Variants in RASSF4 observed in about 807,000 individuals in gnomAD.
RASSF4 encodes the protein Ras association domain family member 4.
RASSF4 carries 38 observed loss-of-function variants against 41.1 expected under a neutral mutation model. The observed-to-expected ratio is 0.92, with a 90% CI of 0.71 to 1.21. RASSF4 has a LOEUF of 1.21. Ranked by LOEUF, RASSF4 falls within the 50% of genes most tolerant of loss-of-function variation. RASSF4 has a pLI of 0.00. For synonymous variants in RASSF4, 179 were observed against 163.4 expected, an observed-to-expected ratio of 1.10 and a Z score of -0.73; for missense variants, 414 against 419.4, an observed-to-expected ratio of 0.99 and a Z score of 0.11.
At chr10:44,972,148 G>A (rs1841200367) in intron 3 of RASSF4, among the ~76,000 whole-genome samples, 1 of 152,012 alleles carries the variant, frequency 6.6e-6, no homozygotes, top group African/African-American at 2.4e-5. Flanking sequence ...CTTTGTCCAT[G>A]TGAACTGCTG....
At chr10:44,961,380 G>A (rs1312527329) in intron 1 of RASSF4, among the ~76,000 whole-genome samples, 2 of 152,206 alleles carry the variant, frequency 1.3e-5, no homozygotes, top group African/African-American at 2.4e-5. Flanking sequence ...GAACATGAAC[G>A]AAACTTGGGT....
intron 3 of RASSF4, among the ~76,000 whole-genome samples, chr10:44,973,147 C>G (rs1165691533): frequency 6.6e-6 from 1 of 152,226 alleles, no homozygotes. Context: ...CCACAGCTTG[C>G]TCCCCTCCCT....
In RASSF4 at chr10:44,987,783, G is replaced by C. The variant is rs79063242; in HGVS notation, c.532-1491G>C. On this transcript the variant is annotated intron_variant, in intron 6 of 10. Transcript: ENST00000340258. Reference sequence around the variant, plus strand: ...TAGCAATAAAGTAGTTTTAATTAAGGCATGCATATTTTTTAGATGTAGTAC... The same window carrying C: ...TAGCAATAAAGTAGTTTTAATTAAGCCATGCATATTTTTTAGATGTAGTAC... Among the ~76,000 whole-genome samples, 42 of 151,980 alleles carry C rather than the reference G, an allele frequency of 2.8e-4. No individual in the cohort carries two copies. The East Asian group carries it at 8.1e-3, about 29-fold the overall frequency.
intron 7 of RASSF4, 54 bp from the exon 8 acceptor site, chr10:44,989,616 G>A: frequency 1.3e-6 from 2 of 1,554,284 alleles, no homozygotes; most frequent in Non-Finnish European, 1.8e-6. Context: ...GACCCTCTCA[G>A]TTCTCTCCCA....
chr10:44,963,508 C>T lies in RASSF4; in HGVS notation c.-39+3642C>T, dbSNP rs1840787226. ...CCTGCTGCCGTTGTGGCTGGCAATT[C>T]GAATGTGGTAGCCACAGACTGCAGT... On this transcript the variant is annotated intron_variant, in intron 1 of 10. Coordinates refer to ENST00000340258, the MANE Select transcript of RASSF4 (RefSeq NM_032023.4). 2.6e-5 allele frequency among the ~76,000 whole-genome samples: 4 copies of T among 152,158 alleles called. No homozygotes were observed. The South Asian group carries it at 8.3e-4, about 32-fold the overall frequency.
At position 44,963,493 on chromosome 10, in the gene RASSF4, T is replaced by C. The variant is rs1840786625; in HGVS notation, c.-39+3627T>C. On this transcript the variant is annotated intron_variant, in intron 1 of 10. Coordinates refer to ENST00000340258, the MANE Select transcript of RASSF4 (RefSeq NM_032023.4). ...CATTGTCCTCTGTGCCCTGCTGCCG[T>C]TGTGGCTGGCAATTCGAATGTGGTA... Among the ~76,000 whole-genome samples the C allele has an allele frequency of 4.6e-5, 7 of 152,326 alleles. No individual in the cohort carries two copies. The South Asian group carries it at 1.4e-3, about 32-fold the overall frequency.
At chr10:44,972,645 C>G (rs1841226560) in intron 3 of RASSF4, among the ~76,000 whole-genome samples, 1 of 152,250 alleles carries the variant, frequency 6.6e-6, no homozygotes, top group South Asian at 2.1e-4. Flanking sequence ...TGCGGTCATT[C>G]ACATCCTCTG....
At chr10:44,990,847 C>A in intron 8 of RASSF4, 101 bp from the exon 9 acceptor site, 1 of 1,256,986 alleles carries the variant, frequency 8.0e-7, no homozygotes, top group Non-Finnish European at 1.1e-6. Flanking sequence ...TCTTAGGGTT[C>A]CCTGCGCCCC....
chr10:44,976,383 G>A (rs1841427073), intron 3 of RASSF4: 1 of 152,228 alleles, frequency 6.6e-6, no homozygotes, highest in South Asian at 2.1e-4. Flanking sequence ...CACAAAAAAA[G>A]AGAATAACCT....
At chr10:44,968,525 C>T (rs1365659327) in intron 1 of RASSF4, among the ~76,000 whole-genome samples, 7 of 152,220 alleles carry the variant, frequency 4.6e-5, no homozygotes, top group Non-Finnish European at 8.8e-5. Context: ...TTCCCCTTCT[C>T]CAGGCCAACT....
At chr10:44,984,215 C>CTCGTTGGCTGGGGCACAA in intron 5 of RASSF4, 102 bp downstream of exon 5, 1 of 1,215,574 alleles carries the variant, frequency 8.2e-7, no homozygotes, top group Non-Finnish European at 1.1e-6. Flanking sequence ...CTTTGTGCCC[C>CTCGTTGGCTGGGGCACAA]AGCCAACGAG....
At position 44,984,814 on chromosome 10, in the gene RASSF4, G is replaced by A. The variant is rs762602931; in HGVS notation, c.375G>A (p.Gly125=). The stretch of plus-strand genomic sequence containing the variant: ...TTCTCTCACCCATTTCTCATGCAGG[G>A]CCCCTGGAGGAGGCAGAGGAGGCCC... The part of the protein sequence containing the change: ...HKAESSTDSS[G]PLEEAEEAPQ... Residue 125 remains glycine (G), a splice_region_variant and synonymous_variant, in exon 6 of 11, where the codon GGG becomes GGA. Transcript: ENST00000340258. 48 of 1,613,304 alleles carry A rather than the reference G, an allele frequency of 3.0e-5. No homozygotes were observed. The highest frequency in any genetic ancestry group is 4.0e-5 in the Non-Finnish European group (47 of 1,179,894).
intron 1 of RASSF4, among the ~76,000 whole-genome samples, chr10:44,967,592 T>C (rs1347136403): frequency 6.6e-6 from 1 of 152,172 alleles, no homozygotes; most frequent in Non-Finnish European, 1.5e-5. Context: ...TCCGTGGCCA[T>C]TGGAGACTTT....
chr10:44,966,266 T>A (rs2132763198), intron 1 of RASSF4, among the ~76,000 whole-genome samples: 1 of 152,238 alleles, frequency 6.6e-6, no homozygotes, highest in South Asian at 2.1e-4. Flanking sequence ...TATGGGAAAT[T>A]CCACTTCTAA....
rs1309792886 is a variant in RASSF4 at position 44,993,356 on chromosome 10, T to G, written c.*27T>G. 6.3e-7 allele frequency: 1 copy of G among 1,579,804 alleles called. No individual in the cohort carries two copies. The highest frequency in any genetic ancestry group is 8.6e-7 in the Non-Finnish European group (1 of 1,164,686). On this transcript the variant is annotated 3_prime_UTR_variant, in exon 11 of 11. Coordinates refer to ENST00000340258, the MANE Select transcript of RASSF4 (RefSeq NM_032023.4). ...TGGCCAACACCTGCCTCTTCCAAAG[T>G]CCCCAGCAGTGGCAGGTGTACACTG...
Position 44,995,035 on chromosome 10 carries a change from C to G in RASSF4, c.*1706C>G, listed in dbSNP as rs1311533939. Reference sequence around the variant, plus strand: ...GGAGGGCCCCAAGAATCTTCCAGGCCAGGGGCTCAGGTGGGATGGAAGCAG... The same window carrying G: ...GGAGGGCCCCAAGAATCTTCCAGGCGAGGGGCTCAGGTGGGATGGAAGCAG... On this transcript the variant is annotated 3_prime_UTR_variant, in exon 11 of 11. Transcript: ENST00000340258. 6.6e-6 allele frequency: 1 copy of G among 152,250 alleles called. No individual in the cohort carries two copies. The highest frequency in any genetic ancestry group is 2.4e-5 in the African/African-American group (1 of 41,422). The allele number at this position is 152,250 out of a possible 1,614,324, so 9.4% of individuals were successfully genotyped here. A position where few individuals can be genotyped will look rare whatever the true frequency, so the allele number is the denominator to read the frequency against.
At chr10:44,985,061 C>T in intron 6 of RASSF4, 91 bp downstream of exon 6, 1 of 1,405,428 alleles carries the variant, frequency 7.1e-7, no homozygotes, top group Admixed American at 1.9e-5. Context: ...GTGGGGGCTG[C>T]TGGCATTCCT....
intron 1 of RASSF4, among the ~76,000 whole-genome samples, chr10:44,965,060 T>C (rs988474898): frequency 2.0e-5 from 3 of 152,210 alleles, no homozygotes; most frequent in Non-Finnish European, 2.9e-5. Flanking sequence ...CCTTAAAGTT[T>C]CACTAAAAAT....
Position 44,970,337 on chromosome 10 carries a change from G to A in RASSF4, c.62+73G>A. The A allele has an allele frequency of 2.4e-6, 3 of 1,249,318 alleles. No individual in the cohort carries two copies. In the South Asian group the frequency reaches 3.6e-5, roughly 15 times the overall value. The allele number at this position is 1,249,318 out of a possible 1,614,324, so 77.4% of individuals were successfully genotyped here. On this transcript the variant is annotated intron_variant, in intron 2 of 10. Transcript: ENST00000340258. ...TCCCCCTCATCCTGGGCAGCCTTTA[G>A]GTGGAGGGGTTCTGAGCACTTGTTC...
Sources: allele counts gnomAD v4.1 joint callset (sites outside exome capture counted in the v4.1 genomes callset), GRCh38; gene constraint gnomAD v4.1.1; transcripts MANE v1.5; gene names NCBI Gene and HGNC (gene_info 2026-07-23, HGNC 2026-07-21).